Variants in SGCD observed in about 807,000 individuals in gnomAD.
The protein encoded by SGCD is delta-sarcoglycan.
A neutral mutation model predicts 36.6 loss-of-function variants in SGCD; 18 were observed. That is an observed-to-expected ratio of 0.49 (90% confidence interval 0.34 to 0.73). SGCD has a LOEUF of 0.73. Ranked by LOEUF, SGCD falls within the 30% of genes least tolerant of loss-of-function variation. SGCD has a pLI of 0.01. For synonymous variants in SGCD, 133 were observed against 130.6 expected (o/e 1.02, Z -0.12); for missense variants, 387 against 346.7 (o/e 1.12, Z -0.92).
At chr5:156,473,351 A>T (rs185879553) in intron 3 of SGCD, among the ~76,000 whole-genome samples, 1 of 152,358 alleles carries the variant, frequency 6.6e-6, no homozygotes, top group African/African-American at 2.4e-5. Context: ...TAAATTAAAA[A>T]TGCATTCAAT....
intron 4 of SGCD, among the ~76,000 whole-genome samples, chr5:156,514,411 G>T (rs1323391868): frequency 6.6e-6 from 1 of 152,170 alleles, no homozygotes; most frequent in Non-Finnish European, 1.5e-5. Flanking sequence ...TTTGAGGGTG[G>T]GTATAGGGCT....
chr5:156,738,872 A>G (rs572153672), intron 7 of SGCD, among the ~76,000 whole-genome samples: 40 of 152,344 alleles, frequency 2.6e-4, no homozygotes, highest in African/African-American at 8.7e-4. Flanking sequence ...CTCAGCCTCA[A>G]AAAGCCTTCT....
intron 1 of SGCD, among the ~76,000 whole-genome samples, chr5:155,966,046 G>A (rs1180404999): frequency 6.6e-6 from 1 of 151,976 alleles, no homozygotes; most frequent in Admixed American, 6.6e-5. Context: ...ATCATTAAAA[G>A]GTTACAAATC....
upstream of SGCD, among the ~76,000 whole-genome samples, chr5:156,324,117 G>A (rs984480859): frequency 1.1e-4 from 16 of 152,166 alleles, no homozygotes; most frequent in Admixed American, 9.2e-4. Flanking sequence ...CTTAATTAGT[G>A]GGGGAATTGG....
chr5:156,130,817 C>A (rs1762305075), intron 3 of SGCD, among the ~76,000 whole-genome samples: 1 of 152,086 alleles, frequency 6.6e-6, no homozygotes, highest in Admixed American at 6.5e-5. Context: ...ACCTCTGCCT[C>A]CCAGGTTCAA....
intron 1 of SGCD, among the ~76,000 whole-genome samples, chr5:155,892,675 A>C (rs1422438122): frequency 6.6e-6 from 1 of 152,158 alleles, no homozygotes; most frequent in Non-Finnish European, 1.5e-5. Flanking sequence ...AATGTTGGCA[A>C]CTAGTTTGCT....
intron 4 of SGCD, among the ~76,000 whole-genome samples, chr5:156,524,687 G>C (rs1217202751): frequency 6.6e-6 from 1 of 151,846 alleles, no homozygotes; most frequent in Non-Finnish European, 1.5e-5. Context: ...TAGGTCTCCA[G>C]AACTTATTCA....
intron 3 of SGCD, among the ~76,000 whole-genome samples, chr5:156,199,958 T>A (rs560808633): frequency 2.5e-4 from 38 of 152,284 alleles, no homozygotes; most frequent in African/African-American, 8.7e-4. Flanking sequence ...AATTTTCTTT[T>A]ACTTTTAATG....
intron 3 of SGCD, among the ~76,000 whole-genome samples, chr5:156,246,039 T>C (rs1401272733): frequency 1.3e-5 from 2 of 152,170 alleles, no homozygotes; most frequent in African/African-American, 4.8e-5. Flanking sequence ...TATTTACATA[T>C]GATACATTTA....
intron 3 of SGCD, among the ~76,000 whole-genome samples, chr5:156,263,498 G>A (rs1230966472): frequency 6.6e-6 from 1 of 151,920 alleles, no homozygotes; most frequent in Non-Finnish European, 1.5e-5. Context: ...ATATTTGTCT[G>A]TTGTCGAATG....
chr5:156,605,736 C>G (rs1486318951), intron 6 of SGCD, among the ~76,000 whole-genome samples: 1 of 152,182 alleles, frequency 6.6e-6, no homozygotes, highest in Non-Finnish European at 1.5e-5. Context: ...TTAATGACCA[C>G]CATTCTAACT....
chr5:156,346,007 T>C (rs1768917329), intron 3 of SGCD, among the ~76,000 whole-genome samples: 1 of 152,062 alleles, frequency 6.6e-6, no homozygotes, highest in Non-Finnish European at 1.5e-5. Context: ...CCACTCCAGA[T>C]AATAATTTTT....
chr5:156,451,219 A>G (rs548464747), intron 3 of SGCD, among the ~76,000 whole-genome samples: 8 of 152,194 alleles, frequency 5.3e-5, no homozygotes, highest in Admixed American at 2.0e-4. Context: ...GGCATTTAAC[A>G]ATGTCTCTTA....
intron 1 of SGCD, among the ~76,000 whole-genome samples, chr5:155,971,021 G>A (rs528048660): frequency 1.3e-5 from 2 of 152,178 alleles, no homozygotes; most frequent in South Asian, 4.1e-4. Flanking sequence ...CTGCATTCTA[G>A]GTAAGAGCAA....
rs76990768 is a variant in SGCD, at chr5:156,614,398, C to T, written c.502+19347C>T. Among the ~76,000 whole-genome samples, 418 of 152,258 alleles carry T rather than the reference C, an allele frequency of 2.7e-3. 3 individuals carry two copies. Among genetic ancestry groups the T allele is most frequent in the African/African-American group, 9.6e-3 (397 of 41,534 alleles). On this transcript the variant is annotated intron_variant, in intron 6 of 8. Transcript: ENST00000337851. ...TGACTTCTATCAGTGGACTCTTTTC[C>T]GAAACTCCACGGCACATTGTTATCA...
the SGCD span, among the ~76,000 whole-genome samples, chr5:155,849,435 CAT>C: frequency 1.8e-4 from 27 of 150,644 alleles, no homozygotes; most frequent in South Asian, 4.3e-4. Flanking sequence ...CACACACACA[CAT>C]GTGCGCGCGC....
At position 156,563,467 on chromosome 5, in the gene SGCD, C is replaced by T. The variant is rs144240751; in HGVS notation, c.295-25764C>T. On this transcript the variant is annotated intron_variant, in intron 4 of 8. Coordinates refer to ENST00000337851, the MANE Select transcript of SGCD (RefSeq NM_000337.6). ...TGGGAGTCAGATCCTATGGGTCTGA[C>T]GCTGGAGCTTTTCTGCGAGAAGGCA... Among the ~76,000 whole-genome samples the T allele has an allele frequency of 2.4e-4, 36 of 152,220 alleles. No homozygotes were observed. In the East Asian group the frequency reaches 5.4e-3, roughly 23 times the overall value.
intron 4 of SGCD, among the ~76,000 whole-genome samples, chr5:156,572,421 T>G (rs1046508458): frequency 1.7e-4 from 26 of 151,402 alleles, no homozygotes; most frequent in Admixed American, 1.1e-3. Flanking sequence ...TTATTTTCTG[T>G]TTTTTTTCTA....
At chr5:156,187,101 T>G (rs1443198805) in intron 3 of SGCD, among the ~76,000 whole-genome samples, 1 of 152,180 alleles carries the variant, frequency 6.6e-6, no homozygotes, top group Non-Finnish European at 1.5e-5. Context: ...TATTTCAAAA[T>G]ATTTAATCTT....
Sources: allele counts gnomAD v4.1 joint callset (sites outside exome capture counted in the v4.1 genomes callset), GRCh38; gene constraint gnomAD v4.1.1; transcripts MANE v1.5; gene names NCBI Gene and HGNC (gene_info 2026-07-23, HGNC 2026-07-21).